The following LIN9 variants were observed in gnomAD, a reference collection of about 807,000 sequenced individuals.
LIN9 encodes the protein protein lin-9 homolog.
In LIN9, 18 loss-of-function variants were observed where a neutral mutation model predicts 78.0. The observed-to-expected ratio is 0.23, with a 90% CI of 0.16 to 0.34. The LOEUF (loss-of-function observed/expected upper bound fraction) is 0.34, where lower values mean the gene tolerates loss of function less well. Among genes scored for constraint, LIN9 ranks in the 10% least tolerant of loss-of-function variants. The probability of loss-of-function intolerance (pLI) is 1.00; values close to 1 mark genes in which losing one functional copy is unlikely to be tolerated. For missense variants in LIN9, 451 were observed against 644.1 expected (o/e 0.70, Z 3.25); for synonymous variants, 192 against 215.2 (o/e 0.89, Z 0.94).
In LIN9 at chr1:226,267,989, C is replaced by T. The variant is rs746762974; in HGVS notation, c.784G>A (p.Gly262Arg). The T allele has an allele frequency of 1.2e-6, 2 of 1,613,640 alleles. No homozygotes were observed. The highest frequency in any genetic ancestry group is 8.5e-7 in the Non-Finnish European group (1 of 1,179,806). Residue 262 changes from glycine to arginine, a missense_variant, in exon 8 of 15, where the codon GGA becomes AGA. Gly to Arg is a moderately radical substitution (Grantham distance 125). Coordinates refer to ENST00000681046, the MANE Select transcript of LIN9 (RefSeq NM_001366245.2). Reference sequence around the variant, plus strand: ...TCATAGTCAGGGATGGTATGGGTTCCAAGCCCTGTCCTATCAAAAGTTACT... The same window carrying T: ...TCATAGTCAGGGATGGTATGGGTTCTAAGCCCTGTCCTATCAAAAGTTACT... ...YRVTFDRTGL[G>R]THTIPDYEVL...
upstream of LIN9, chr1:226,309,621 C>G (rs866770247): frequency 1.3e-5 from 16 of 1,266,260 alleles, no homozygotes; most frequent in Non-Finnish European, 1.7e-5. Context: ...AAGTGAAATA[C>G]TCACAGTTCC....
intron 1 of LIN9, among the ~76,000 whole-genome samples, chr1:226,305,888 T>C (rs1271129150): frequency 6.6e-6 from 1 of 152,154 alleles, no homozygotes; most frequent in Admixed American, 6.6e-5. Flanking sequence ...GGGGCTGAAT[T>C]AATGAGAGGC....
At chr1:226,254,815 G>A (rs570332586) in intron 10 of LIN9, among the ~76,000 whole-genome samples, 1 of 151,452 alleles carries the variant, frequency 6.6e-6, no homozygotes, top group Admixed American at 6.6e-5. Flanking sequence ...GGAGGCTGAG[G>A]CAGAAGAATG....
At position 226,296,056 on chromosome 1, in the gene LIN9, T is replaced by C. The variant is rs367985867; in HGVS notation, c.160-110A>G. 5.6e-5 allele frequency: 37 copies of C among 656,666 alleles called. No homozygotes were observed. In the South Asian group the frequency reaches 6.6e-4, roughly 12 times the overall value. The allele number at this position is 656,666 out of a possible 1,614,324, so 40.7% of individuals were successfully genotyped here. On this transcript the variant is annotated intron_variant, in intron 3 of 14. Transcript: ENST00000681046. The stretch of plus-strand genomic sequence containing the variant: ...AGCTAACTCTGGATTATCAGCAGTA[T>C]GGAAGGATAAAGTATGGGCAACACA...
Position 226,232,459 on chromosome 1 carries a change from C to G in LIN9, c.*42G>C. The G allele has an allele frequency of 7.4e-7, 1 of 1,352,334 alleles. No homozygotes were observed. Among genetic ancestry groups the G allele is most frequent in the Non-Finnish European group, 1.0e-6 (1 of 957,790 alleles). 83.8% of individuals were successfully genotyped at this position (1,352,334 alleles called of 1,614,324 possible). On this transcript the variant is annotated 3_prime_UTR_variant, in exon 15 of 15. Transcript: ENST00000681046. ...GCCTATATAAAGGAAAAGAACTTCT[C>G]AAAAACAATGTCCCGTGCAGTTGGA...
At chr1:226,239,426 G>C (rs750291368) in intron 11 of LIN9, among the ~76,000 whole-genome samples, 6 of 152,192 alleles carry the variant, frequency 3.9e-5, no homozygotes, top group Non-Finnish European at 8.8e-5. Context: ...ATTGTTAGTT[G>C]TTAAACCGTA....
At chr1:226,291,282 T>C (rs780450186) in intron 4 of LIN9, among the ~76,000 whole-genome samples, 1 of 152,036 alleles carries the variant, frequency 6.6e-6, no homozygotes, top group Non-Finnish European at 1.5e-5. Context: ...TGATATAAAA[T>C]TGAATACTAT....
At chr1:226,241,031 T>A (rs563721554) in intron 11 of LIN9, among the ~76,000 whole-genome samples, 2 of 152,202 alleles carry the variant, frequency 1.3e-5, no homozygotes, top group Admixed American at 1.3e-4. Flanking sequence ...CTACTATAGA[T>A]CTGAAGCAGT....
rs1381609770 is a variant in LIN9, at chr1:226,266,214, A to G, written c.935T>C (p.Ile312Thr). The change falls in exon 9 of 15, where the codon ATA becomes ACA. Residue 312 changes from isoleucine to threonine, a missense_variant and splice_region_variant. Coordinates refer to ENST00000681046, the MANE Select transcript of LIN9 (RefSeq NM_001366245.2). The stretch of plus-strand genomic sequence containing the variant: ...TTGATATTTCTAAAATATACTTACT[A>G]TAATTGGTGACTGGAGAGGAGGAGT... ...HYTPPLQSPI[I>T]DNDPLLGQSP... is the part of the protein sequence containing the mutation. 1.3e-6 allele frequency: 2 copies of G among 1,561,794 alleles called. No homozygotes were observed.
intron 14 of LIN9, 80 bp downstream of exon 14, chr1:226,233,016 T>C: frequency 1.2e-6 from 1 of 805,304 alleles, no homozygotes; most frequent in Non-Finnish European, 2.0e-6. Context: ...ACTTCACAAA[T>C]ATGCATAATT....
rs1038125926 is a variant in LIN9, at chr1:226,231,790, C to T, written c.*711G>A. Reference sequence around the variant, plus strand: ...AACTGATGGGAAGACATGCCAAATCCATTTTTAGAAATTTAGCATTTTGCA... The same window carrying T: ...AACTGATGGGAAGACATGCCAAATCTATTTTTAGAAATTTAGCATTTTGCA... On this transcript the variant is annotated 3_prime_UTR_variant, in exon 15 of 15. Transcript: ENST00000681046. The T allele has an allele frequency of 5.5e-6, 1 of 183,000 alleles. No individual in the cohort carries two copies. Among genetic ancestry groups the T allele is most frequent in the Admixed American group, 6.1e-5 (1 of 16,340 alleles). 11.3% of individuals were successfully genotyped at this position (183,000 alleles called of 1,614,324 possible).
intron 11 of LIN9, among the ~76,000 whole-genome samples, chr1:226,245,033 G>A (rs1186559355): frequency 6.6e-6 from 1 of 152,166 alleles, no homozygotes; most frequent in African/African-American, 2.4e-5. Flanking sequence ...AAGGATTTGA[G>A]CATTTTAAAT....
At position 226,265,484 on chromosome 1, in the gene LIN9, G is replaced by T; in HGVS notation, c.1038+49C>A. On this transcript the variant is annotated intron_variant, in intron 10 of 14. Coordinates refer to ENST00000681046, the MANE Select transcript of LIN9 (RefSeq NM_001366245.2). The surrounding 1 kb of genome is among the most constrained non-coding windows in gnomAD (Gnocchi z 4.1). ...AATTTTCAACTTTAATAACATAAAA[G>T]GCATTGAGTTTTTAAACAAACAGCC... 8.6e-7 allele frequency: 1 copy of T among 1,156,296 alleles called. No homozygotes were observed. The allele number at this position is 1,156,296 out of a possible 1,614,324, so 71.6% of individuals were successfully genotyped here. A position where few individuals can be genotyped will look rare whatever the true frequency, so the allele number is the denominator to read the frequency against.
chr1:226,309,271 G>C (rs774277378), upstream of LIN9: 69 of 1,147,560 alleles, frequency 6.0e-5, no homozygotes, highest in Non-Finnish European at 7.3e-5. Flanking sequence ...CTCCCGCCGC[G>C]GCTGGCTGAG....
intron 3 of LIN9, 148 bp from the exon 4 acceptor site, chr1:226,296,094 C>A: frequency 1.8e-6 from 1 of 557,604 alleles, no homozygotes. Context: ...GCACACAAAG[C>A]CAAATATAAA....
chr1:226,256,181 G>A (rs1231656861), intron 10 of LIN9, among the ~76,000 whole-genome samples: 4 of 151,766 alleles, frequency 2.6e-5, no homozygotes. Context: ...CTAGCAGCTC[G>A]AGACCAGCCT....
chr1:226,233,397 C>T lies in LIN9; in HGVS notation c.1372G>A (p.Glu458Lys), dbSNP rs1657476095. Reference sequence around the variant, plus strand: ...CTGGAAATTAAGTCTGTCAGATTTTCATTTTCAACGCAGGGCTGTCCTGTT... The same window carrying T: ...CTGGAAATTAAGTCTGTCAGATTTTTATTTTCAACGCAGGGCTGTCCTGTT... ...SSTGQPCVEN[E>K]NLTDLISRLT... The change falls in exon 13 of 15, where the codon GAA becomes AAA. Residue 458 changes from glutamate to lysine, a missense_variant. Glu to Lys is a moderately conservative substitution (Grantham distance 56). Transcript: ENST00000681046. The T allele has an allele frequency of 6.2e-7, 1 of 1,613,798 alleles. No individual in the cohort carries two copies. Among genetic ancestry groups the T allele is most frequent in the Admixed American group, 1.7e-5 (1 of 59,926 alleles).
chr1:226,258,760 G>A (rs189077954), intron 10 of LIN9, among the ~76,000 whole-genome samples: 38 of 150,838 alleles, frequency 2.5e-4, no homozygotes, highest in African/African-American at 6.8e-4. Flanking sequence ...GCATGGTGGC[G>A]GGCACCTGTA....
chr1:226,248,363 G>A (rs751852351), intron 11 of LIN9, among the ~76,000 whole-genome samples: 2 of 151,996 alleles, frequency 1.3e-5, no homozygotes, highest in Non-Finnish European at 2.9e-5. Context: ...AAAAAATTTC[G>A]AAATCTCATA....
Sources: allele counts gnomAD v4.1 joint callset (sites outside exome capture counted in the v4.1 genomes callset), GRCh38; gene constraint gnomAD v4.1.1; non-coding constraint Gnocchi (gnomAD v3.1); transcripts MANE v1.5; gene names NCBI Gene and HGNC (gene_info 2026-07-23, HGNC 2026-07-21).